Variants in MSI2 observed in about 807,000 individuals in gnomAD.
MSI2 encodes the protein musashi RNA binding protein 2, also known as RNA-binding protein Musashi homolog 2.
In MSI2, 17 loss-of-function variants were observed where a neutral mutation model predicts 45.6. The observed-to-expected ratio is 0.37, with a 90% CI of 0.26 to 0.56. MSI2 has a LOEUF of 0.56. Among genes scored for constraint, MSI2 ranks in the 20% least tolerant of loss-of-function variants. The probability of loss-of-function intolerance (pLI) is 0.77; values close to 1 mark genes in which losing one functional copy is unlikely to be tolerated. For synonymous variants in MSI2, 156 were observed against 158.2 expected, an observed-to-expected ratio of 0.99 and a Z score of 0.11; for missense variants, 293 against 444.2, an observed-to-expected ratio of 0.66 and a Z score of 3.06.
chr17:57,575,772 C>T (rs963902469), intron 7 of MSI2, among the ~76,000 whole-genome samples: 10 of 151,800 alleles, frequency 6.6e-5, no homozygotes, highest in Admixed American at 5.2e-4. Flanking sequence ...GGTGAAACCC[C>T]GCCTCTATTA....
intron 6 of MSI2, among the ~76,000 whole-genome samples, chr17:57,487,648 A>G (rs533077665): frequency 6.6e-6 from 1 of 151,990 alleles, no homozygotes; most frequent in Non-Finnish European, 1.5e-5. Flanking sequence ...GGTGAGGCTG[A>G]TGAGGTCCTC....
At chr17:57,359,866 A>G (rs1225245790) in intron 5 of MSI2, among the ~76,000 whole-genome samples, 1 of 152,174 alleles carries the variant, frequency 6.6e-6, no homozygotes, top group Admixed American at 6.5e-5. Context: ...GTCACCCACT[A>G]TGCTGAGCTC....
intron 12 of MSI2, among the ~76,000 whole-genome samples, chr17:57,676,191 CT>C (rs1913215942): frequency 6.6e-6 from 1 of 152,256 alleles, no homozygotes; most frequent in African/African-American, 2.4e-5. Flanking sequence ...TTCATGCCCC[CT>C]GGCATTGGGA....
chr17:57,349,799 G>GC (rs1400946977), intron 5 of MSI2, among the ~76,000 whole-genome samples: 2 of 152,250 alleles, frequency 1.3e-5, no homozygotes, highest in African/African-American at 4.8e-5. Context: ...AGCTTAGCAA[G>GC]CAGATACACT....
intron 5 of MSI2, among the ~76,000 whole-genome samples, chr17:57,334,276 G>A (rs551181751): frequency 1.3e-5 from 2 of 152,298 alleles, no homozygotes; most frequent in South Asian, 4.1e-4. Context: ...GCAAAATGCT[G>A]ATAAAATCTG....
Position 57,616,021 on chromosome 17 carries a change from A to G in MSI2, c.589A>G (p.Arg197Gly). 1 of 1,614,210 alleles carries G rather than the reference A, an allele frequency of 6.2e-7. No homozygotes were observed. The highest frequency in any genetic ancestry group is 8.5e-7 in the Non-Finnish European group (1 of 1,180,030). ...PKEVMFPPGTRGRARGLPYTM... is the reference protein window; with the variant it reads ...PKEVMFPPGTGGRARGLPYTM... Reference sequence around the variant, plus strand: ...AGAAGTCATGTTCCCACCTGGGACAAGAGGCCGGGCCCGGGGACTGCCTTA... The same window carrying G: ...AGAAGTCATGTTCCCACCTGGGACAGGAGGCCGGGCCCGGGGACTGCCTTA... The change falls in exon 9 of 14, where the codon AGA becomes GGA. Residue 197 changes from arginine to glycine, a missense_variant. Physicochemically the swap from Arg to Gly is moderately radical, Grantham distance 125. Coordinates refer to ENST00000284073, the MANE Select transcript of MSI2 (RefSeq NM_138962.4).
At chr17:57,487,130 G>A (rs549716088) in intron 6 of MSI2, among the ~76,000 whole-genome samples, 51 of 152,348 alleles carry the variant, frequency 3.3e-4, no homozygotes, top group African/African-American at 1.2e-3. Flanking sequence ...AAGTGCAGGG[G>A]ACTTCAGATC....
At chr17:57,691,112 G>C in the MSI2 span, among the ~76,000 whole-genome samples, 1 of 151,996 alleles carries the variant, frequency 6.6e-6, no homozygotes, top group East Asian at 1.9e-4. Context: ...AAAATCAGTT[G>C]ACTATTTGTG....
At chr17:57,323,805 G>T (rs1185658474) in intron 5 of MSI2, among the ~76,000 whole-genome samples, 3 of 152,246 alleles carry the variant, frequency 2.0e-5, no homozygotes, top group Non-Finnish European at 4.4e-5. Context: ...GACACCCACT[G>T]ATTTGAACGG....
chr17:57,302,995 T>A (rs78979215), intron 5 of MSI2, among the ~76,000 whole-genome samples: 2 of 151,860 alleles, frequency 1.3e-5, no homozygotes, highest in African/African-American at 4.8e-5. Flanking sequence ...ACACTTTTCA[T>A]AGGGAGGGAT....
chr17:57,507,150 AATCT>A (rs1348812000), intron 6 of MSI2, among the ~76,000 whole-genome samples: 3 of 141,120 alleles, frequency 2.1e-5, no homozygotes, highest in East Asian at 4.4e-4. Context: ...TGTCTTTCTC[AATCT>A]ATCTGTTTCT....
At chr17:57,279,201 A>C (rs571168055) in intron 5 of MSI2, 1 of 152,422 alleles carries the variant, frequency 6.6e-6, no homozygotes, top group Admixed American at 6.5e-5. Context: ...ACAGAATCAG[A>C]TACTAGCCTA....
intron 5 of MSI2, among the ~76,000 whole-genome samples, chr17:57,350,450 A>G (rs1915941299): frequency 6.6e-6 from 1 of 152,156 alleles, no homozygotes; most frequent in South Asian, 2.1e-4. Flanking sequence ...TGGCCTCTCC[A>G]TGTGATTGGC....
intron 5 of MSI2, among the ~76,000 whole-genome samples, chr17:57,311,245 A>G (rs1234438426): frequency 6.6e-6 from 1 of 152,242 alleles, no homozygotes; most frequent in African/African-American, 2.4e-5. Context: ...TGTGTGACAC[A>G]TAGGGTCTAT....
At position 57,509,093 on chromosome 17, in the gene MSI2, C is replaced by T. The variant is rs944855794; in HGVS notation, c.406-20583C>T. On this transcript the variant is annotated intron_variant, in intron 6 of 13. Coordinates refer to ENST00000284073, the MANE Select transcript of MSI2 (RefSeq NM_138962.4). ...TGAGAGATGGGGCAAAGTGCTGCTT[C>T]TCAAGGGTTTTGAGGATTAATGAGC... 9.2e-5 allele frequency among the ~76,000 whole-genome samples: 14 copies of T among 152,142 alleles called. 1 individual carries two copies. The highest frequency in any genetic ancestry group is 2.9e-4 in the African/African-American group (12 of 41,436).
At chr17:57,556,570 A>G (rs116509169) in intron 7 of MSI2, among the ~76,000 whole-genome samples, 1 of 152,160 alleles carries the variant, frequency 6.6e-6, no homozygotes, top group African/African-American at 2.4e-5. Context: ...CTGTCACTGG[A>G]CTCAGAGCCC....
At chr17:57,323,017 TG>T (rs1188692914) in intron 5 of MSI2, among the ~76,000 whole-genome samples, 1 of 131,014 alleles carries the variant, frequency 7.6e-6, no homozygotes, top group Non-Finnish European at 1.6e-5. Flanking sequence ...AGCATATTGG[TG>T]GGGGGAGAGG....
chr17:57,661,775 CCTTT>C (rs1202958201), intron 11 of MSI2, among the ~76,000 whole-genome samples: 2 of 152,184 alleles, frequency 1.3e-5, no homozygotes, highest in African/African-American at 4.8e-5. Flanking sequence ...GCCACTGTCC[CCTTT>C]CTTTCTGCCA....
intron 6 of MSI2, among the ~76,000 whole-genome samples, chr17:57,445,236 C>T (rs910664641): frequency 6.6e-6 from 1 of 152,170 alleles, no homozygotes; most frequent in Non-Finnish European, 1.5e-5. Context: ...TTCCTTCGGT[C>T]ACCAAGCCGC....
Sources: gnomAD v4.1 joint callset for allele counts (sites outside exome capture counted in the v4.1 genomes callset) on GRCh38, gnomAD v4.1.1 for gene constraint, MANE v1.5 for transcripts, NCBI Gene and HGNC (gene_info 2026-07-23, HGNC 2026-07-21) for gene names.